C5orf22: variants seen among roughly 807,000 people sequenced by gnomAD.
The protein encoded by C5orf22 is chromosome 5 open reading frame 22.
C5orf22 carries 36 observed loss-of-function variants against 48.7 expected under a neutral mutation model. The ratio of observed to expected loss-of-function variants is 0.74; its 90% CI spans 0.57 to 0.98. C5orf22 has a LOEUF of 0.98. Among genes scored for constraint, C5orf22 ranks in the 50% least tolerant of loss-of-function variants. The probability of loss-of-function intolerance (pLI) is 0.00; values close to 1 mark genes in which losing one functional copy is unlikely to be tolerated. For missense variants in C5orf22, 486 were observed against 521.9 expected, an observed-to-expected ratio of 0.93 and a Z score of 0.67; for synonymous variants, 141 against 180.8, an observed-to-expected ratio of 0.78 and a Z score of 1.76.
chr5:31,544,731 T>A (rs554568322), intron 6 of C5orf22, among the ~76,000 whole-genome samples: 1 of 152,186 alleles, frequency 6.6e-6, no homozygotes, highest in East Asian at 1.9e-4. Flanking sequence ...AGGCCAAGAG[T>A]TAAGACCAGT....
intron 2 of C5orf22, chr5:31,535,195 T>A (rs1742000718): frequency 8.9e-6 from 3 of 335,882 alleles, no homozygotes; most frequent in African/African-American, 4.4e-5. Context: ...GTATCAAGTG[T>A]GAATAACCAT....
chr5:31,550,140 A>C (rs1192731747), intron 7 of C5orf22, among the ~76,000 whole-genome samples: 1 of 152,192 alleles, frequency 6.6e-6, no homozygotes, highest in African/African-American at 2.4e-5. Flanking sequence ...ACACTGACTG[A>C]TCATTGCCAG....
chr5:31,542,544 C>T (rs940986034), intron 6 of C5orf22, among the ~76,000 whole-genome samples: 3 of 151,104 alleles, frequency 2.0e-5, no homozygotes, highest in East Asian at 1.9e-4. Context: ...AATCTCTTGA[C>T]GTGAAGGAGC....
rs964547621 is a variant in C5orf22, at chr5:31,554,476, A to G, written c.*1574A>G. ...TGCTTATTTGTGCTGTGAAAAGCAG[A>G]GCAGCCTGACTCAGCTTTCCATTTT... On this transcript the variant is annotated 3_prime_UTR_variant, in exon 9 of 9. Transcript: ENST00000325366. 6.6e-6 allele frequency: 1 copy of G among 152,248 alleles called. No individual in the cohort carries two copies. Among genetic ancestry groups the G allele is most frequent in the Non-Finnish European group, 1.5e-5 (1 of 68,050 alleles). 9.4% of individuals were successfully genotyped at this position (152,248 alleles called of 1,614,324 possible).
intron 5 of C5orf22, 80 bp from the exon 6 acceptor site, chr5:31,541,201 C>A: frequency 6.9e-7 from 1 of 1,456,856 alleles, no homozygotes; most frequent in South Asian, 1.3e-5. Flanking sequence ...ACTAATAGAG[C>A]CAAGTTTTTT....
intron 7 of C5orf22, among the ~76,000 whole-genome samples, chr5:31,548,225 TGA>T (rs1463651974): frequency 1.3e-5 from 2 of 151,524 alleles, no homozygotes; most frequent in Middle Eastern, 3.4e-3. Flanking sequence ...CGCTTGAACC[TGA>T]GAGGCAAAGG....
chr5:31,539,769 A>G (rs1397724401), intron 4 of C5orf22, among the ~76,000 whole-genome samples: 1 of 151,972 alleles, frequency 6.6e-6, no homozygotes, highest in East Asian at 1.9e-4. Context: ...CAGGCTGGGC[A>G]TGGTGGCTCA....
In C5orf22 at chr5:31,541,005, A is replaced by AAC. The variant is rs1166384577; in HGVS notation, c.866_867dup (p.Glu290GlnfsTer6). 6.2e-7 allele frequency: 1 copy of AAC among 1,608,882 alleles called. No individual in the cohort carries two copies. The highest frequency in any genetic ancestry group is 2.2e-5 in the East Asian group (1 of 44,846). ...AATTTAAGAAACCTGGCACCAACCT[A>AAC]ACAGAGGTATCCTCCATTTGTTTCT... is the stretch of plus-strand genomic sequence containing the variant. On this transcript the variant is annotated frameshift_variant, in exon 5 of 9. Transcript: ENST00000325366. LOFTEE classifies it high-confidence loss of function.
rs780521770 is a variant in C5orf22, at chr5:31,538,341, A to G, written c.459A>G (p.Gln153=). 6.2e-7 allele frequency: 1 copy of G among 1,614,054 alleles called. No individual in the cohort carries two copies. The highest frequency in any genetic ancestry group is 1.1e-5 in the South Asian group (1 of 91,074). The change falls in exon 4 of 9, where the codon CAA becomes CAG. Residue 153 remains glutamine (Q), a synonymous_variant. Coordinates refer to ENST00000325366, the MANE Select transcript of C5orf22 (RefSeq NM_018356.3). ...EDQLENQKPL[Q]LDVIMVKPYK... is the part of the protein sequence containing the mutation. Reference sequence around the variant, plus strand: ...AGCTAGAGAACCAAAAACCTTTACAATTGGATGTAATTATGGTAAAACCTT... The same window carrying G: ...AGCTAGAGAACCAAAAACCTTTACAGTTGGATGTAATTATGGTAAAACCTT...
In C5orf22 at chr5:31,552,847, C is replaced by T. The variant is rs1387360455; in HGVS notation, c.1274C>T (p.Ala425Val). The change falls in exon 9 of 9, where the codon GCC becomes GTC. Residue 425 changes from alanine to valine, a missense_variant. Around this residue, in one of 3 missense-constraint regions of C5orf22, gnomAD observed 408 missense variants for 444.0 expected, o/e 0.92. Transcript: ENST00000325366. ...IQEKVLNMLR[A>V]LYGNLDLQVY... is the part of the protein sequence containing the mutation. Reference sequence around the variant, plus strand: ...GAAAAGGTCCTCAATATGCTACGTGCCCTCTATGGAAATCTAGACCTCCAA... The same window carrying T: ...GAAAAGGTCCTCAATATGCTACGTGTCCTCTATGGAAATCTAGACCTCCAA... 1 of 1,613,560 alleles carries T rather than the reference C, an allele frequency of 6.2e-7. No homozygotes were observed. The highest frequency in any genetic ancestry group is 8.5e-7 in the Non-Finnish European group (1 of 1,179,574).
At chr5:31,546,925 T>C (rs1441809340) in intron 7 of C5orf22, among the ~76,000 whole-genome samples, 2 of 152,318 alleles carry the variant, frequency 1.3e-5, no homozygotes, top group Non-Finnish European at 2.9e-5. Context: ...AAACCAATCC[T>C]GCCTTCCCAA....
Position 31,538,524 on chromosome 5 carries a change from T to G in C5orf22, c.642T>G (p.Thr214=). 1.9e-6 allele frequency: 3 copies of G among 1,614,156 alleles called. No individual in the cohort carries two copies. The highest frequency in any genetic ancestry group is 2.5e-6 in the Non-Finnish European group (3 of 1,180,014). Residue 214 remains threonine, a synonymous_variant, in exon 4 of 9, where the codon ACT becomes ACG. Coordinates refer to ENST00000325366, the MANE Select transcript of C5orf22 (RefSeq NM_018356.3). The part of the protein sequence containing the change: ...KDTATQRSDQ[T]CLEPSCSCSS... Reference sequence around the variant, plus strand: ...CAGCAACACAGAGAAGTGACCAGACTTGCCTAGAACCATCATGTTCATGTT... The same window carrying G: ...CAGCAACACAGAGAAGTGACCAGACGTGCCTAGAACCATCATGTTCATGTT...
At chr5:31,537,746 C>T (rs1742188150) in intron 3 of C5orf22, among the ~76,000 whole-genome samples, 1 of 152,172 alleles carries the variant, frequency 6.6e-6, no homozygotes, top group Non-Finnish European at 1.5e-5. Context: ...AAAGATTCAG[C>T]TGGTATGAGA....
At position 31,541,333 on chromosome 5, in the gene C5orf22, A is replaced by G; in HGVS notation, c.923A>G (p.Glu308Gly). The G allele has an allele frequency of 6.2e-7, 1 of 1,613,674 alleles. No homozygotes were observed. Among genetic ancestry groups the G allele is most frequent in the South Asian group, 1.1e-5 (1 of 91,070 alleles). The change falls in exon 6 of 9, where the codon GAA (glutamate) becomes GGA (glycine). Residue 308 changes from glutamate (E) to glycine (G), a missense_variant. Coordinates refer to ENST00000325366, the MANE Select transcript of C5orf22 (RefSeq NM_018356.3). ...DTRIHQLEDL[E>G]ATFADLCDGD... ...CGAATTCATCAATTAGAGGATTTAG[A>G]AGCCACTTTCGCTGATTTGTGTGAT...
At position 31,540,852 on chromosome 5, in the gene C5orf22, T is replaced by A. The variant is rs981604250; in HGVS notation, c.808-97T>A. ...TTTAAATAATTATCTAAGATGTTCT[T>A]GTATCACAAGGAAGGTTGTCTCTTC... On this transcript the variant is annotated intron_variant, in intron 4 of 8. Transcript: ENST00000325366. 15 of 831,738 alleles carry A rather than the reference T, an allele frequency of 1.8e-5. No homozygotes were observed. In the Admixed American group the frequency reaches 2.4e-4, roughly 13 times the overall value. 51.5% of individuals were successfully genotyped at this position (831,738 alleles called of 1,614,324 possible).
rs1561318893 is a variant in C5orf22, at chr5:31,535,747, A to T, written c.231A>T (p.Glu77Asp). 1 of 1,592,224 alleles carries T rather than the reference A, an allele frequency of 6.3e-7. No homozygotes were observed. The highest frequency in any genetic ancestry group is 8.5e-7 in the Non-Finnish European group (1 of 1,172,994). Residue 77 changes from glutamate (E) to aspartate (D), a missense_variant, in exon 3 of 9, where the codon GAA becomes GAT. By Grantham distance (45) the Glu-to-Asp change is conservative (BLOSUM62 2). Transcript: ENST00000325366. ...TVFDKETLFG[E>D]LSIENWIMPA... The stretch of plus-strand genomic sequence containing the variant: ...TGTCTCTATGTTTCTTTTCCAGAGA[A>T]TTAAGTATTGAAAATTGGATTATGC...
rs955878821 is a variant in C5orf22 at position 31,554,178 on chromosome 5, A to G, written c.*1276A>G. On this transcript the variant is annotated 3_prime_UTR_variant, in exon 9 of 9. Coordinates refer to ENST00000325366, the MANE Select transcript of C5orf22 (RefSeq NM_018356.3). ...TTATTTTCCTTTAAAAGGTGAAATG[A>G]CATTTAAAGAAAAACAAACACCCAT... 2.6e-5 allele frequency: 4 copies of G among 152,216 alleles called. No individual in the cohort carries two copies. The highest frequency in any genetic ancestry group is 9.6e-5 in the African/African-American group (4 of 41,452). The allele number at this position is 152,216 out of a possible 1,614,324, so 9.4% of individuals were successfully genotyped here. A position where few individuals can be genotyped will look rare whatever the true frequency, so the allele number is the denominator to read the frequency against.
chr5:31,533,917 A>G (rs1741902117), intron 1 of C5orf22, among the ~76,000 whole-genome samples: 1 of 152,108 alleles, frequency 6.6e-6, no homozygotes, highest in South Asian at 2.1e-4. Flanking sequence ...AAGGAAAAAA[A>G]AGAATACTTT....
chr5:31,552,631 C>A lies in C5orf22; in HGVS notation c.1200-142C>A, dbSNP rs10520987. ...AGGTGACTAACATGGGGTAAACCTT[C>A]ACTAGCTTTCAATTGATATTAATCC... is the stretch of plus-strand genomic sequence containing the variant. On this transcript the variant is annotated intron_variant, in intron 8 of 8. Coordinates refer to ENST00000325366, the MANE Select transcript of C5orf22 (RefSeq NM_018356.3). 1.1e-4 allele frequency: 73 copies of A among 639,414 alleles called. 2 individuals are homozygous for A. The highest frequency in any genetic ancestry group is 1.1e-3 in the South Asian group (51 of 46,658). The allele number at this position is 639,414 out of a possible 1,614,324, so 39.6% of individuals were successfully genotyped here. A position where few individuals can be genotyped will look rare whatever the true frequency, so the allele number is the denominator to read the frequency against.
Sources: gnomAD v4.1 joint callset for allele counts (sites outside exome capture counted in the v4.1 genomes callset) on GRCh38, gnomAD v4.1.1 for gene constraint, gnomAD v4.1.1 regional missense constraint, MANE v1.5 for transcripts, NCBI Gene and HGNC (gene_info 2026-07-23, HGNC 2026-07-21) for gene names.